Variants in ZC3H13 observed in about 807,000 individuals in gnomAD.
ZC3H13 encodes zinc finger CCCH-type containing 13, also known as zinc finger CCCH domain-containing protein 13.
A neutral mutation model predicts 204.1 loss-of-function variants in ZC3H13; 64 were observed. The observed-to-expected ratio is 0.31, with a 90% CI of 0.26 to 0.39. ZC3H13 has a LOEUF of 0.39. Ranked by LOEUF, ZC3H13 falls within the 10% of genes least tolerant of loss-of-function variation. The probability of loss-of-function intolerance (pLI) is 1.00; values close to 1 mark genes in which losing one functional copy is unlikely to be tolerated. For missense variants in ZC3H13, 1,833 were observed against 2,082.7 expected (o/e 0.88, Z 2.33); for synonymous variants, 667 against 693.7 (o/e 0.96, Z 0.60).
chr13:46,027,666 T>C (rs1430504796), intron 4 of ZC3H13, among the ~76,000 whole-genome samples: 2 of 152,194 alleles, frequency 1.3e-5, no homozygotes, highest in African/African-American at 4.8e-5. Flanking sequence ...ATTTAAAATA[T>C]CCCAGAGTAA....
At chr13:45,980,644 T>C (rs1953494357) in intron 10 of ZC3H13, among the ~76,000 whole-genome samples, 1 of 152,050 alleles carries the variant, frequency 6.6e-6, no homozygotes, top group Non-Finnish European at 1.5e-5. Context: ...CAAGAAAAAA[T>C]TATGCTGAGT....
rs772398024 is a variant in ZC3H13, at chr13:45,962,577, A to G, written c.4675+1265T>C. The G allele has an allele frequency of 2.1e-5, 21 of 985,042 alleles. 1 individual carries two copies. The South Asian group carries it at 3.8e-4, about 18-fold the overall frequency. The allele number at this position is 985,042 out of a possible 1,614,324, so 61.0% of individuals were successfully genotyped here. On this transcript the variant is annotated intron_variant, in intron 17 of 18. Coordinates refer to ENST00000679008, the MANE Select transcript of ZC3H13 (RefSeq NM_001330564.2). The stretch of plus-strand genomic sequence containing the variant: ...AGTCTTGGGTCATTTTTCGGTTAAT[A>G]CACGTTAACAATTATATGTATTTTG...
intron 4 of ZC3H13, among the ~76,000 whole-genome samples, chr13:46,028,688 C>A (rs1345116834): frequency 1.3e-5 from 2 of 151,984 alleles, no homozygotes; most frequent in Admixed American, 6.6e-5. Flanking sequence ...AATTAAACAA[C>A]ACAATTTTAA....
intron 7 of ZC3H13, among the ~76,000 whole-genome samples, chr13:46,007,378 C>A (rs1447953213): frequency 6.6e-6 from 1 of 152,070 alleles, no homozygotes; most frequent in African/African-American, 2.4e-5. Flanking sequence ...TTTGTACATC[C>A]CGTTCTTTGG....
In ZC3H13 at chr13:46,045,452, C is replaced by A; in HGVS notation, c.56G>T (p.Ser19Ile). The change falls in exon 2 of 19, where the codon AGC becomes ATC. Residue 19 changes from serine (S) to isoleucine (I), a missense_variant. Physicochemically the swap from Ser to Ile is moderately radical, Grantham distance 142. Transcript: ENST00000679008. Reference protein sequence around the residue: ...TVENTKTISDSTSRRPSVFER... With the variant: ...TVENTKTISDITSRRPSVFER... ...AAATACACTGGGTCTTCGGGATGTG[C>A]TATCAGATATAGTCTTGGTATTTTC... 3 of 1,614,122 alleles carry A rather than the reference C, an allele frequency of 1.9e-6. No individual in the cohort carries two copies. Among genetic ancestry groups the A allele is most frequent in the Non-Finnish European group, 2.5e-6 (3 of 1,179,996 alleles).
intron 4 of ZC3H13, among the ~76,000 whole-genome samples, chr13:46,037,517 TC>T (rs1351917301): frequency 6.6e-6 from 1 of 152,256 alleles, no homozygotes; most frequent in Non-Finnish European, 1.5e-5. Flanking sequence ...AGCTAATTTA[TC>T]TTTTGTGCTC....
intron 12 of ZC3H13, among the ~76,000 whole-genome samples, chr13:45,973,777 G>A (rs184612418): frequency 2.6e-5 from 4 of 152,160 alleles, no homozygotes; most frequent in East Asian, 1.9e-4. Context: ...GAAAAGTAGC[G>A]GGTGGGGAGG....
At chr13:46,014,709 C>CA in intron 5 of ZC3H13, among the ~76,000 whole-genome samples, 1 of 152,278 alleles carries the variant, frequency 6.6e-6, no homozygotes, top group East Asian at 1.9e-4. Context: ...TCTGAATACA[C>CA]AGAGTAAAAT....
At chr13:45,980,196 C>T (rs1437321245) in intron 10 of ZC3H13, among the ~76,000 whole-genome samples, 192 bp from the exon 11 acceptor site, 2 of 151,772 alleles carry the variant, frequency 1.3e-5, no homozygotes, top group African/African-American at 2.4e-5. Flanking sequence ...CCTGAGTAGA[C>T]GAAGTCCCAG....
At chr13:46,033,804 T>C (rs2139026733) in intron 4 of ZC3H13, among the ~76,000 whole-genome samples, 1 of 152,044 alleles carries the variant, frequency 6.6e-6, no homozygotes, top group Middle Eastern at 3.4e-3. Context: ...TAAAGTGGTC[T>C]CAAAACAACA....
chr13:45,987,022 C>T (rs1012367939), intron 9 of ZC3H13, among the ~76,000 whole-genome samples: 4 of 152,184 alleles, frequency 2.6e-5, no homozygotes, highest in African/African-American at 7.2e-5. Flanking sequence ...ATATCTTTCA[C>T]TTCTATTCCT....
chr13:45,977,688 T>G (rs1227957519), intron 11 of ZC3H13, among the ~76,000 whole-genome samples: 2 of 152,162 alleles, frequency 1.3e-5, no homozygotes, highest in African/African-American at 4.8e-5. Flanking sequence ...CCCATAGCTA[T>G]AGTTATTAAC....
intron 4 of ZC3H13, among the ~76,000 whole-genome samples, chr13:46,033,263 A>G (rs949019892): frequency 6.6e-6 from 1 of 152,102 alleles, no homozygotes; most frequent in Admixed American, 6.5e-5. Flanking sequence ...AACCACATAG[A>G]GAAGACCTGT....
At chr13:46,018,376 G>A (rs1018648945) in intron 5 of ZC3H13, among the ~76,000 whole-genome samples, 10 of 152,038 alleles carry the variant, frequency 6.6e-5, no homozygotes, top group Non-Finnish European at 1.2e-4. Flanking sequence ...TTGTTAAGTG[G>A]GGATAAGCAG....
At chr13:45,965,533 A>C in intron 15 of ZC3H13, 101 bp from the exon 16 acceptor site, 5 of 1,097,698 alleles carry the variant, frequency 4.6e-6, no homozygotes, top group Non-Finnish European at 6.2e-6. Context: ...AACAATGTGA[A>C]AAACATCTTT....
intron 12 of ZC3H13, 30 bp downstream of exon 12, chr13:45,975,253 A>G (rs764433410): frequency 6.3e-7 from 1 of 1,581,954 alleles, no homozygotes; most frequent in East Asian, 2.3e-5. Context: ...GAAATGTAAA[A>G]TGTTATTAAT....
intron 17 of ZC3H13, among the ~76,000 whole-genome samples, chr13:45,960,108 C>G (rs1037628901): frequency 3.3e-5 from 5 of 151,982 alleles, no homozygotes; most frequent in Admixed American, 3.3e-4. Context: ...TACACCACCA[C>G]ACCTGGCTAA....
At chr13:46,038,568 CTATCT>C (rs2043357349) in intron 4 of ZC3H13, among the ~76,000 whole-genome samples, 1 of 152,202 alleles carries the variant, frequency 6.6e-6, no homozygotes, top group South Asian at 2.1e-4. Flanking sequence ...CACACCCATT[CTATCT>C]TAGCTATGCC....
chr13:45,979,955 G>T lies in ZC3H13; in HGVS notation c.1770C>A (p.Ser590Arg). 3 of 1,611,936 alleles carry T rather than the reference G, an allele frequency of 1.9e-6. No homozygotes were observed. In the South Asian group the frequency reaches 3.3e-5, roughly 18 times the overall value. Residue 590 changes from serine (S) to arginine (R), a missense_variant, in exon 11 of 19, where the codon AGC (serine) becomes AGA (arginine). Physicochemically the swap from Ser to Arg is moderately radical, Grantham distance 110 (BLOSUM62 -1). This residue lies in a region of ZC3H13 where 1,574 missense variants were observed against 1,757.2 expected (regional missense o/e 0.90). Coordinates refer to ENST00000679008, the MANE Select transcript of ZC3H13 (RefSeq NM_001330564.2). Reference sequence around the variant, plus strand: ...GAGTTTCCCAGCTGTCATGATAGTTGCTATTACTACTGTGACTATCAATTT... The same window carrying T: ...GAGTTTCCCAGCTGTCATGATAGTTTCTATTACTACTGTGACTATCAATTT... ...GSQIDSHSSN[S>R]NYHDSWETRS... is the part of the protein sequence containing the mutation.
Sources: gnomAD v4.1 joint callset for allele counts (sites outside exome capture counted in the v4.1 genomes callset) on GRCh38, gnomAD v4.1.1 for gene constraint, gnomAD v4.1.1 regional missense constraint, MANE v1.5 for transcripts, NCBI Gene and HGNC (gene_info 2026-07-23, HGNC 2026-07-21) for gene names.